Variants in TRPM6 observed in about 807,000 individuals in gnomAD.
TRPM6 encodes transient receptor potential cation channel subfamily M member 6.
In TRPM6, 111 loss-of-function variants were observed where a neutral mutation model predicts 247.6. The observed-to-expected ratio is 0.45, with a 90% CI of 0.38 to 0.52. The LOEUF (loss-of-function observed/expected upper bound fraction) is 0.52, where lower values mean the gene tolerates loss of function less well. Among genes scored for constraint, TRPM6 ranks in the 20% least tolerant of loss-of-function variants. TRPM6 has a pLI of 0.00. For missense variants in TRPM6, 2,126 were observed against 2,421.5 expected (o/e 0.88, Z 2.56); for synonymous variants, 892 against 853.8 (o/e 1.04, Z -0.78).
chr9:74,741,562 G>C (rs1023194878), intron 33 of TRPM6, among the ~76,000 whole-genome samples: 2 of 152,062 alleles, frequency 1.3e-5, no homozygotes, highest in African/African-American at 2.4e-5. Context: ...TGCAAAGCCA[G>C]CCATGGGGCC....
At position 74,762,740 on chromosome 9, in the gene TRPM6, T is replaced by G; in HGVS notation, c.3931A>C (p.Thr1311Pro). 6.2e-7 allele frequency: 1 copy of G among 1,614,196 alleles called. No individual in the cohort carries two copies. The highest frequency in any genetic ancestry group is 8.5e-7 in the Non-Finnish European group (1 of 1,180,038). The change falls in exon 26 of 39, where the codon ACA (threonine) becomes CCA (proline). Residue 1311 changes from threonine to proline, a missense_variant. Thr to Pro is a conservative substitution (Grantham distance 38, BLOSUM62 -1). Around this residue, in one of 3 missense-constraint regions of TRPM6, gnomAD observed 717 missense variants for 715.9 expected, o/e 1.00. Coordinates refer to ENST00000360774, the MANE Select transcript of TRPM6 (RefSeq NM_017662.5). ...LEITNSKREA[T>P]NVRNDQERQE... ...CTTTCCTGGTCATTTCTTACATTTG[T>G]AGCCTCTCTTTTACTGTTTGTAATC...
Position 74,847,293 on chromosome 9 carries a change from C to T in TRPM6, c.153-4950G>A, listed in dbSNP as rs150820117. On this transcript the variant is annotated intron_variant, in intron 3 of 38. Transcript: ENST00000360774. Reference sequence around the variant, plus strand: ...ATGGCTCACTGCAGCCTCAACTTCCCGTGCTCAATCAATTCTCCCACCTCA... The same window carrying T: ...ATGGCTCACTGCAGCCTCAACTTCCTGTGCTCAATCAATTCTCCCACCTCA... Among the ~76,000 whole-genome samples, 678 of 152,122 alleles carry T rather than the reference C, an allele frequency of 4.5e-3. 4 individuals are homozygous for T. Among genetic ancestry groups the T allele is most frequent in the African/African-American group, 0.016 (646 of 41,506 alleles).
chr9:74,881,519 A>G (rs1831364270), intron 1 of TRPM6, among the ~76,000 whole-genome samples: 1 of 152,156 alleles, frequency 6.6e-6, no homozygotes, highest in South Asian at 2.1e-4. Context: ...CCCCACTCTC[A>G]GCATTACACA....
intron 4 of TRPM6, among the ~76,000 whole-genome samples, chr9:74,841,230 T>G (rs1829928877): frequency 6.6e-6 from 1 of 152,236 alleles, no homozygotes; most frequent in African/African-American, 2.4e-5. Context: ...AATCATTTTT[T>G]ATTTTACCTA....
chr9:74,775,152 C>T (rs1197965312), intron 24 of TRPM6, among the ~76,000 whole-genome samples: 1 of 152,100 alleles, frequency 6.6e-6, no homozygotes, highest in Non-Finnish European at 1.5e-5. Flanking sequence ...ATTAGGAAAA[C>T]CTCAAAATAT....
At position 74,778,326 on chromosome 9, in the gene TRPM6, T is replaced by C. The variant is rs544793985; in HGVS notation, c.3210-2250A>G. 2.8e-3 allele frequency among the ~76,000 whole-genome samples: 425 copies of C among 152,262 alleles called. 2 individuals carry two copies. Among genetic ancestry groups the C allele is most frequent in the Middle Eastern group, 0.01 (3 of 294 alleles). On this transcript the variant is annotated intron_variant, in intron 23 of 38. Transcript: ENST00000360774. ...CATCTGACCCTCTCCAGCCCATGGC[T>C]CTCTGCAACTGCCACCTATACTCAG...
At position 74,887,880 on chromosome 9, in the gene TRPM6, C is replaced by G. The variant is rs770337923; in HGVS notation, c.-24G>C. 6.2e-6 allele frequency: 10 copies of G among 1,613,906 alleles called. No homozygotes were observed. Among genetic ancestry groups the G allele is most frequent in the Non-Finnish European group, 6.8e-6 (8 of 1,180,042 alleles). On this transcript the variant is annotated 5_prime_UTR_variant, in exon 1 of 39. Coordinates refer to ENST00000360774, the MANE Select transcript of TRPM6 (RefSeq NM_017662.5). ...ATCTTTGATTTGCAGGCCCTGCTCCCAAAGCCCTGTCTGAGCTTTTAACTG... is the reference window on the plus strand; with the variant it reads ...ATCTTTGATTTGCAGGCCCTGCTCCGAAAGCCCTGTCTGAGCTTTTAACTG...
rs1461266732 is a variant in TRPM6 at position 74,763,147 on chromosome 9, G to A, written c.3537-13C>T. 3.7e-6 allele frequency: 6 copies of A among 1,605,340 alleles called. No homozygotes were observed. Among genetic ancestry groups the A allele is most frequent in the African/African-American group, 1.3e-5 (1 of 74,896 alleles). ...CATCTCTGTAACCCTAGTGGTGAAG[G>A]AAGGGAGAAAACCAACAAGCACATT... On this transcript the variant is annotated splice_polypyrimidine_tract_variant and intron_variant, in intron 25 of 38. Transcript: ENST00000360774.
intron 1 of TRPM6, chr9:74,887,154 C>A (rs565105207): frequency 1.0e-4 from 91 of 900,542 alleles, no homozygotes; most frequent in Non-Finnish European, 1.2e-4. Context: ...GAGGAGCCAG[C>A]GGGGACTCCT....
intron 3 of TRPM6, among the ~76,000 whole-genome samples, chr9:74,843,832 AAG>A (rs1830021625): frequency 6.6e-6 from 1 of 151,818 alleles, no homozygotes. Context: ...AAAAAAAAAA[AAG>A]AGTTGAAATT....
Position 74,762,898 on chromosome 9 carries a change from C to A in TRPM6, c.3773G>T (p.Cys1258Phe). 1 of 1,610,274 alleles carries A rather than the reference C, an allele frequency of 6.2e-7. No individual in the cohort carries two copies. Among genetic ancestry groups the A allele is most frequent in the African/African-American group, 1.3e-5 (1 of 74,812 alleles). The change falls in exon 26 of 39, where the codon TGT becomes TTT. Residue 1258 changes from cysteine (C) to phenylalanine (F), a missense_variant. Transcript: ENST00000360774. ...CTCCATGCTGCCTAGAACCTCTGCA[C>A]AGATGACATTGCTCCAGCTGTGGGG... ...KLPHSWSNVICAEVLGSMEIA... is the reference protein window; with the variant it reads ...KLPHSWSNVIFAEVLGSMEIA...
chr9:74,858,833 C>G (rs1406759151), intron 1 of TRPM6, 85 bp from the exon 2 acceptor site: 2 of 1,080,052 alleles, frequency 1.9e-6, no homozygotes, highest in East Asian at 5.1e-5. Flanking sequence ...AAGAAATACT[C>G]AAGTATCATG....
At chr9:74,780,646 C>T (rs1827406004) in intron 23 of TRPM6, among the ~76,000 whole-genome samples, 1 of 152,044 alleles carries the variant, frequency 6.6e-6, no homozygotes, top group South Asian at 2.1e-4. Flanking sequence ...TATAGGGAGT[C>T]AAAGACAGAA....
intron 37 of TRPM6, among the ~76,000 whole-genome samples, chr9:74,732,226 A>C (rs1328281073): frequency 6.6e-6 from 1 of 152,204 alleles, no homozygotes; most frequent in Non-Finnish European, 1.5e-5. Context: ...TTGTCCTCTC[A>C]TAAGATTTGC....
chr9:74,882,051 C>G (rs1451138828), intron 1 of TRPM6, among the ~76,000 whole-genome samples: 1 of 152,100 alleles, frequency 6.6e-6, no homozygotes, highest in Non-Finnish European at 1.5e-5. Context: ...AAAATCAACT[C>G]AAGATGCATT....
intron 16 of TRPM6, 47 bp from the exon 17 acceptor site, chr9:74,800,529 C>T (rs751343022): frequency 7.7e-7 from 1 of 1,302,212 alleles, no homozygotes; most frequent in Non-Finnish European, 1.1e-6. Flanking sequence ...GGTGAGAGAG[C>T]TGCATTATTA....
chr9:74,823,182 G>A (rs1439601397), intron 7 of TRPM6, among the ~76,000 whole-genome samples: 1 of 152,092 alleles, frequency 6.6e-6, no homozygotes, highest in Non-Finnish European at 1.5e-5. Context: ...GTTTTCAGGG[G>A]CGCACACTGG....
chr9:74,887,739 C>T, intron 1 of TRPM6, 85 bp downstream of exon 1: 1 of 1,613,620 alleles, frequency 6.2e-7, no homozygotes, highest in Non-Finnish European at 8.5e-7. Context: ...CCTGGCCCCA[C>T]CCACTTCTAT....
At chr9:74,847,990 C>T (rs910356666) in intron 3 of TRPM6, among the ~76,000 whole-genome samples, 2 of 152,170 alleles carry the variant, frequency 1.3e-5, no homozygotes, top group Admixed American at 1.3e-4. Flanking sequence ...TTCATGTCTT[C>T]CACCCACAAA....
Sources: allele counts gnomAD v4.1 joint callset (sites outside exome capture counted in the v4.1 genomes callset), GRCh38; gene constraint gnomAD v4.1.1; regional missense constraint gnomAD v4.1.1; transcripts MANE v1.5; gene names NCBI Gene and HGNC (gene_info 2026-07-23, HGNC 2026-07-21).